TMEM135: variants seen among roughly 807,000 people sequenced by gnomAD.
TMEM135 encodes the protein transmembrane protein 135.
In TMEM135, 30 loss-of-function variants were observed where a neutral mutation model predicts 60.3. The ratio of observed to expected loss-of-function variants is 0.50; its 90% confidence interval spans 0.37 to 0.68. The LOEUF is 0.68. TMEM135 is among the 30% of genes least tolerant of loss of function. The pLI, the probability that TMEM135 is intolerant of heterozygous loss-of-function variation, is 0.00. For missense variants in TMEM135, 468 were observed against 548.8 expected, an observed-to-expected ratio of 0.85 and a Z score of 1.47; for synonymous variants, 190 against 186.7, an observed-to-expected ratio of 1.02 and a Z score of -0.14.
chr11:87,098,790 G>A (rs928923082), intron 4 of TMEM135, among the ~76,000 whole-genome samples: 4 of 152,048 alleles, frequency 2.6e-5, no homozygotes, highest in Non-Finnish European at 5.9e-5. Context: ...CTGGGTTCAT[G>A]CCATTCTCCT....
At chr11:87,177,415 AC>A (rs1939402881) in intron 5 of TMEM135, among the ~76,000 whole-genome samples, 4 of 152,192 alleles carry the variant, frequency 2.6e-5, no homozygotes, top group Non-Finnish European at 5.9e-5. Context: ...ATGAAGAAAT[AC>A]ATGATTATTA....
chr11:87,122,437 A>ATATT (rs1555106784), intron 4 of TMEM135, among the ~76,000 whole-genome samples: 9,195 of 144,892 alleles, frequency 0.063, 397 homozygotes, highest in South Asian at 0.11. Flanking sequence ...TTTAGTTTTT[A>ATATT]TATTTATTTA....
intron 5 of TMEM135, among the ~76,000 whole-genome samples, chr11:87,231,086 T>C (rs1565494653): frequency 6.6e-6 from 1 of 152,104 alleles, no homozygotes; most frequent in Non-Finnish European, 1.5e-5. Context: ...CCAAGCTTAC[T>C]GTCTAGAGAG....
At chr11:87,259,285 G>GA in intron 6 of TMEM135, 1 of 363,326 alleles carries the variant, frequency 2.8e-6, no homozygotes, top group Non-Finnish European at 5.3e-6. Context: ...ACCAGAAGTG[G>GA]AAAAAAAGGA....
chr11:87,067,914 A>C lies in TMEM135; in HGVS notation c.269+93A>C, dbSNP rs1856698139. 19 of 1,476,564 alleles carry C rather than the reference A, an allele frequency of 1.3e-5. No homozygotes were observed. The East Asian group carries it at 4.2e-4, about 32-fold the overall frequency. The allele number at this position is 1,476,564 out of a possible 1,614,324, so 91.5% of individuals were successfully genotyped here. A position where few individuals can be genotyped will look rare whatever the true frequency, so the allele number is the denominator to read the frequency against. On this transcript the variant is annotated intron_variant, in intron 2 of 14. Coordinates refer to ENST00000305494, the MANE Select transcript of TMEM135 (RefSeq NM_022918.4). ...TTACATAAATGTTATGTGGGTTACT[A>C]TCCCCGCCCCCCCTTTTTTTAATCT... is the stretch of plus-strand genomic sequence containing the variant.
chr11:87,287,779 T>A (rs1397883010), intron 6 of TMEM135, among the ~76,000 whole-genome samples: 1 of 152,174 alleles, frequency 6.6e-6, no homozygotes, highest in African/African-American at 2.4e-5. Context: ...TTTCAAAAAA[T>A]TTCAGCCTAA....
At chr11:87,107,731 C>T (rs1302959039) in intron 4 of TMEM135, among the ~76,000 whole-genome samples, 1 of 152,128 alleles carries the variant, frequency 6.6e-6, no homozygotes, top group African/African-American at 2.4e-5. Flanking sequence ...CATACGTGTG[C>T]ATGTGTCTTT....
At chr11:87,130,037 A>C (rs1381564777) in intron 4 of TMEM135, among the ~76,000 whole-genome samples, 1 of 152,132 alleles carries the variant, frequency 6.6e-6, no homozygotes, top group Non-Finnish European at 1.5e-5. Context: ...AATTGAGGCA[A>C]GTTCTTCAGT....
At chr11:87,271,552 TAAAG>T (rs1361327970) in intron 6 of TMEM135, among the ~76,000 whole-genome samples, 2 of 43,358 alleles carry the variant, frequency 4.6e-5, no homozygotes, top group Non-Finnish European at 9.1e-5. Context: ...TTGGTATGGA[TAAAG>T]AATGCAAATA....
intron 2 of TMEM135, 118 bp from the exon 3 acceptor site, chr11:87,071,405 T>G (rs1335267461): frequency 4.0e-6 from 3 of 753,014 alleles, no homozygotes; most frequent in Non-Finnish European, 7.0e-6. Context: ...AATATGTTTA[T>G]TTTGAGGTAG....
intron 5 of TMEM135, among the ~76,000 whole-genome samples, chr11:87,171,554 A>T (rs1304793791): frequency 6.6e-6 from 1 of 152,080 alleles, no homozygotes; most frequent in Admixed American, 6.6e-5. Flanking sequence ...ATGAAAAAAT[A>T]CTCGTCTGCA....
chr11:87,160,035 G>T (rs7936847), intron 5 of TMEM135, among the ~76,000 whole-genome samples: 1 of 152,118 alleles, frequency 6.6e-6, no homozygotes, highest in African/African-American at 2.4e-5. Context: ...CCAGTACTGC[G>T]AAAATATTTG....
Position 87,325,970 on chromosome 11 carries a change from A to G in TMEM135, c.*4637A>G, listed in dbSNP as rs1412241795. 4.4e-6 allele frequency: 2 copies of G among 454,038 alleles called. No individual in the cohort carries two copies. The highest frequency in any genetic ancestry group is 4.7e-5 in the Admixed American group (2 of 42,562). The allele number at this position is 454,038 out of a possible 1,614,324, so 28.1% of individuals were successfully genotyped here. A position where few individuals can be genotyped will look rare whatever the true frequency, so the allele number is the denominator to read the frequency against. ...TATCTTTTGTCCCAGCAGACCTGAA[A>G]ATCCCAGTATATTACCACAGACACA... On this transcript the variant is annotated 3_prime_UTR_variant, in exon 15 of 15. Transcript: ENST00000305494.
chr11:87,244,787 C>G (rs1941221885), intron 6 of TMEM135, among the ~76,000 whole-genome samples: 2 of 132,028 alleles, frequency 1.5e-5, no homozygotes, highest in South Asian at 5.3e-4. Flanking sequence ...TTTTTTGATC[C>G]TTTCAAAGAA....
At position 87,038,133 on chromosome 11, in the gene TMEM135, A is replaced by G; in HGVS notation, c.88A>G (p.Ile30Val). ...HPSCRVSFLQ[I>V]TGGALEESLK... is the part of the protein sequence containing the mutation. ...TTCCTGCCGGGTCTCCTTCCTGCAG[A>G]TCACCGGGGGCGCCCTGGAGGAGTC... Residue 30 changes from isoleucine to valine, a missense_variant, in exon 1 of 15, where the codon ATC becomes GTC. Ile to Val is a conservative substitution (Grantham distance 29). Transcript: ENST00000305494. 1 of 1,614,054 alleles carries G rather than the reference A, an allele frequency of 6.2e-7. No homozygotes were observed.
chr11:87,265,920 G>A (rs4944687), intron 6 of TMEM135, among the ~76,000 whole-genome samples: 53,744 of 151,912 alleles, frequency 0.35, 10,056 homozygotes, highest in Non-Finnish European at 0.42. Context: ...ATCTCTTTAC[G>A]TGCATATAAT....
At chr11:87,066,782 TC>T (rs200397619) in intron 1 of TMEM135, among the ~76,000 whole-genome samples, 18,722 of 141,572 alleles carry the variant, frequency 0.13, 1,759 homozygotes, top group Non-Finnish European at 0.16. Flanking sequence ...CTAGATTCTT[TC>T]TTTTTTTTTT....
At chr11:87,215,303 C>G (rs1452080585) in intron 5 of TMEM135, among the ~76,000 whole-genome samples, 1 of 152,016 alleles carries the variant, frequency 6.6e-6, no homozygotes, top group Non-Finnish European at 1.5e-5. Context: ...AATGAACTAC[C>G]CCAAAACTTA....
intron 6 of TMEM135, among the ~76,000 whole-genome samples, chr11:87,284,077 T>C (rs948391775): frequency 6.6e-6 from 1 of 151,958 alleles, no homozygotes; most frequent in African/African-American, 2.4e-5. Flanking sequence ...TTTAAGACAC[T>C]TGCTAAATTT....
Sources: allele counts gnomAD v4.1 joint callset (sites outside exome capture counted in the v4.1 genomes callset), GRCh38; gene constraint gnomAD v4.1.1; transcripts MANE v1.5; gene names NCBI Gene and HGNC (gene_info 2026-07-23, HGNC 2026-07-21).